The following CNTNAP2 variants were observed in gnomAD, a reference collection of about 807,000 sequenced individuals.
The protein encoded by CNTNAP2 is contactin-associated protein-like 2.
In CNTNAP2, 98 loss-of-function variants were observed where a neutral mutation model predicts 155.2. The ratio of observed to expected loss-of-function variants is 0.63; its 90% confidence interval spans 0.54 to 0.75. The LOEUF (loss-of-function observed/expected upper bound fraction) is 0.75, where lower values mean the gene tolerates loss of function less well. Among genes scored for constraint, CNTNAP2 ranks in the 30% least tolerant of loss-of-function variants. The pLI is 0.00. For synonymous variants in CNTNAP2, 651 were observed against 631.2 expected, an observed-to-expected ratio of 1.03 and a Z score of -0.47; for missense variants, 1,727 against 1,688.1, an observed-to-expected ratio of 1.02 and a Z score of -0.40.
chr7:147,531,242 G>A (rs1799426158), intron 11 of CNTNAP2, among the ~76,000 whole-genome samples: 1 of 152,130 alleles, frequency 6.6e-6, no homozygotes, highest in Admixed American at 6.5e-5. Context: ...TCTGGAGGAT[G>A]GTGGCCCTCT....
chr7:146,685,784 A>G (rs995564400), intron 1 of CNTNAP2, among the ~76,000 whole-genome samples: 1 of 152,286 alleles, frequency 6.6e-6, no homozygotes, highest in Admixed American at 6.5e-5. Flanking sequence ...CCTTACTGAT[A>G]TATTTTCTAT....
chr7:147,295,820 AAAT>A (rs1033514670), intron 8 of CNTNAP2, among the ~76,000 whole-genome samples: 13 of 152,178 alleles, frequency 8.5e-5, no homozygotes, highest in Non-Finnish European at 4.4e-5. Context: ...TAAAATTTCA[AAAT>A]AATAATTGGA....
rs548220734 is a variant in CNTNAP2, at chr7:147,237,049, C to CTTTTTTTTTTTTTTTTT, written c.1349-63072_1349-63056dup. 1.0e-3 allele frequency among the ~76,000 whole-genome samples: 59 copies of CTTTTTTTTTTTTTTTTT among 57,474 alleles called. 4 individuals are homozygous for CTTTTTTTTTTTTTTTTT. The highest frequency in any genetic ancestry group is 1.6e-3 in the Non-Finnish European group (47 of 29,590). The allele number at this position is 57,474 out of a possible 152,430, so 37.7% of individuals were successfully genotyped here. On this transcript the variant is annotated intron_variant, in intron 8 of 23. Coordinates refer to ENST00000361727, the MANE Select transcript of CNTNAP2 (RefSeq NM_014141.6). ...CCACTTCCTTTAGCCTTCACCTCCTCTTTTTTTTTTTTTTTTTTTTTTTTT... is the reference window on the plus strand; with the variant it reads ...CCACTTCCTTTAGCCTTCACCTCCTCTTTTTTTTTTTTTTTTTTTTTTTTTTTTTTTTTTTTTTTTTT...
intron 1 of CNTNAP2, among the ~76,000 whole-genome samples, chr7:146,647,495 C>T (rs1799834859): frequency 6.6e-6 from 1 of 152,036 alleles, no homozygotes; most frequent in South Asian, 2.1e-4. Context: ...TTGGTTGTTA[C>T]TAGGCCATTA....
chr7:147,346,756 T>G (rs1450565458), intron 9 of CNTNAP2, among the ~76,000 whole-genome samples: 1 of 152,226 alleles, frequency 6.6e-6, no homozygotes, highest in Non-Finnish European at 1.5e-5. Flanking sequence ...TTTATTTAAT[T>G]TTCAACCTTC....
At chr7:147,946,407 G>T (rs555060236) in intron 14 of CNTNAP2, among the ~76,000 whole-genome samples, 1 of 152,230 alleles carries the variant, frequency 6.6e-6, no homozygotes, top group South Asian at 2.1e-4. Flanking sequence ...TAAGCAGGAA[G>T]TTAAATACCA....
At chr7:146,352,144 A>G (rs1419211459) in intron 1 of CNTNAP2, among the ~76,000 whole-genome samples, 1 of 152,172 alleles carries the variant, frequency 6.6e-6, no homozygotes, top group Admixed American at 6.5e-5. Flanking sequence ...CATTAAGAGG[A>G]ATTTATTTGT....
chr7:147,952,297 CTGGGTG>C (rs1219198769), intron 14 of CNTNAP2, among the ~76,000 whole-genome samples: 3 of 88,294 alleles, frequency 3.4e-5, no homozygotes, highest in African/African-American at 1.1e-4. Context: ...ACAAAATTAG[CTGGGTG>C]TGGTGGTGGA....
At chr7:146,541,800 G>A (rs1006428363) in intron 1 of CNTNAP2, among the ~76,000 whole-genome samples, 4 of 151,886 alleles carry the variant, frequency 2.6e-5, no homozygotes, top group African/African-American at 9.7e-5. Context: ...AAGGCAATAG[G>A]AATCTTGCAA....
At chr7:147,581,542 A>G (rs943078393) in intron 12 of CNTNAP2, among the ~76,000 whole-genome samples, 16 of 152,228 alleles carry the variant, frequency 1.1e-4, no homozygotes, top group African/African-American at 3.9e-4. Context: ...CTGGAAATAA[A>G]GCCAATATAA....
chr7:148,325,264 G>C (rs1295416718), intron 21 of CNTNAP2, among the ~76,000 whole-genome samples: 2 of 152,196 alleles, frequency 1.3e-5, no homozygotes, highest in African/African-American at 4.8e-5. Flanking sequence ...GTTTATAAAA[G>C]TAGTTTTGTA....
At chr7:148,248,435 G>A (rs1319010608) in intron 20 of CNTNAP2, among the ~76,000 whole-genome samples, 1 of 152,090 alleles carries the variant, frequency 6.6e-6, no homozygotes, top group Non-Finnish European at 1.5e-5. Context: ...CTGACCTCAT[G>A]ATCTGCCTGC....
intron 1 of CNTNAP2, among the ~76,000 whole-genome samples, chr7:146,436,156 G>C (rs890730543): frequency 6.6e-6 from 1 of 152,018 alleles, no homozygotes; most frequent in Non-Finnish European, 1.5e-5. Flanking sequence ...ATCTCTCCTA[G>C]CAATACTCTT....
At chr7:147,729,970 A>G (rs1285255440) in intron 13 of CNTNAP2, among the ~76,000 whole-genome samples, 5 of 152,142 alleles carry the variant, frequency 3.3e-5, no homozygotes, top group African/African-American at 1.2e-4. Context: ...TAGTCAATGA[A>G]TTAAAAAATA....
chr7:146,631,131 G>T (rs1799503768), intron 1 of CNTNAP2, among the ~76,000 whole-genome samples: 1 of 152,130 alleles, frequency 6.6e-6, no homozygotes, highest in Non-Finnish European at 1.5e-5. Flanking sequence ...AACAAAGCTG[G>T]AGGCATCATG....
chr7:148,373,577 A>T (rs1798929064), intron 21 of CNTNAP2, among the ~76,000 whole-genome samples: 1 of 152,322 alleles, frequency 6.6e-6, no homozygotes, highest in Middle Eastern at 3.4e-3. Flanking sequence ...ACCCTCCTAC[A>T]TGTGGTTCAT....
At chr7:147,030,067 C>A (rs1480898709) in intron 3 of CNTNAP2, among the ~76,000 whole-genome samples, 1 of 152,132 alleles carries the variant, frequency 6.6e-6, no homozygotes, top group Non-Finnish European at 1.5e-5. Flanking sequence ...TCTATCTGTT[C>A]TTCTAGATAC....
chr7:147,056,152 T>TC (rs1220134110), intron 4 of CNTNAP2, among the ~76,000 whole-genome samples: 2 of 152,176 alleles, frequency 1.3e-5, no homozygotes, highest in African/African-American at 4.8e-5. Flanking sequence ...CCATATAAAA[T>TC]TTTTTCTTCC....
At chr7:146,719,096 A>G (rs1227484614) in intron 1 of CNTNAP2, among the ~76,000 whole-genome samples, 3 of 152,210 alleles carry the variant, frequency 2.0e-5, no homozygotes, top group Non-Finnish European at 4.4e-5. Context: ...AATTGAATCT[A>G]CTTTGTTCCC....
Sources: gnomAD v4.1 joint callset for allele counts (sites outside exome capture counted in the v4.1 genomes callset) on GRCh38, gnomAD v4.1.1 for gene constraint, MANE v1.5 for transcripts, NCBI Gene and HGNC (gene_info 2026-07-23, HGNC 2026-07-21) for gene names.